The following KCND3 variants were observed in gnomAD, a reference collection of about 807,000 sequenced individuals.
The protein encoded by KCND3 is potassium voltage-gated channel subfamily D member 3, also known as A-type voltage-gated potassium channel KCND3.
A neutral mutation model predicts 51.1 loss-of-function variants in KCND3; 9 were observed. The ratio of observed to expected loss-of-function variants is 0.18; its 90% confidence interval spans 0.11 to 0.31. The LOEUF (loss-of-function observed/expected upper bound fraction) is 0.31. Among genes scored for constraint, KCND3 ranks in the 10% least tolerant of loss-of-function variants. The pLI is 1.00. For synonymous variants in KCND3, 349 were observed against 368.0 expected (o/e 0.95, Z 0.59); for missense variants, 526 against 903.8 (o/e 0.58, Z 5.36).
chr1:111,971,717 G>C (rs1674340061), intron 2 of KCND3, among the ~76,000 whole-genome samples: 1 of 152,150 alleles, frequency 6.6e-6, no homozygotes, highest in African/African-American at 2.4e-5. Context: ...CAGGTCCAAA[G>C]CTAAGCTCAC....
At chr1:111,828,412 T>G (rs996722349) in intron 2 of KCND3, among the ~76,000 whole-genome samples, 7 of 152,188 alleles carry the variant, frequency 4.6e-5, no homozygotes, top group Non-Finnish European at 4.4e-5. Flanking sequence ...AAAAAGAGTA[T>G]GTTTATACTA....
At chr1:111,901,337 T>C (rs1670373788) in intron 2 of KCND3, among the ~76,000 whole-genome samples, 1 of 152,222 alleles carries the variant, frequency 6.6e-6, no homozygotes, top group Admixed American at 6.5e-5. Flanking sequence ...ACAAAAGAAT[T>C]AAGTCAGGCT....
chr1:111,826,965 C>T (rs1666606492), intron 2 of KCND3, among the ~76,000 whole-genome samples: 1 of 152,144 alleles, frequency 6.6e-6, no homozygotes, highest in Non-Finnish European at 1.5e-5. Flanking sequence ...TTGGAATATT[C>T]ACATTAAACT....
intron 2 of KCND3, among the ~76,000 whole-genome samples, chr1:111,817,411 C>T (rs1030807297): frequency 6.6e-6 from 1 of 152,200 alleles, no homozygotes; most frequent in Admixed American, 6.5e-5. Context: ...CCAATAATTT[C>T]ACCTGAGTGT....
Position 111,780,596 on chromosome 1 carries a change from TG to T in KCND3, c.1371+93del. 8.8e-7 allele frequency: 1 copy of T among 1,133,510 alleles called. No individual in the cohort carries two copies. The highest frequency in any genetic ancestry group is 1.3e-6 in the Non-Finnish European group (1 of 766,730). The allele number at this position is 1,133,510 out of a possible 1,614,324, so 70.2% of individuals were successfully genotyped here. Reference sequence around the variant, plus strand: ...AACGTGTCCTCCTTGGGGTTCATACTGGGGCTCTGGTGAGAGTGCTGGTGTC... The same window carrying T: ...AACGTGTCCTCCTTGGGGTTCATACTGGGCTCTGGTGAGAGTGCTGGTGTC... On this transcript the variant is annotated intron_variant, in intron 4 of 7. Transcript: ENST00000302127. This position sits in a 1 kb window ranked among gnomAD's most constrained non-coding sequence, Gnocchi z 4.2.
At chr1:111,856,553 C>T (rs1668081739) in intron 2 of KCND3, among the ~76,000 whole-genome samples, 1 of 152,224 alleles carries the variant, frequency 6.6e-6, no homozygotes, top group Non-Finnish European at 1.5e-5. Context: ...CTCTCTCAGC[C>T]TCCCTCAGGC....
At chr1:111,867,744 T>C (rs1668641517) in intron 2 of KCND3, among the ~76,000 whole-genome samples, 1 of 152,190 alleles carries the variant, frequency 6.6e-6, no homozygotes, top group Non-Finnish European at 1.5e-5. Context: ...GGCAGGCACC[T>C]TGATAGAGGT....
chr1:111,816,175 G>T (rs1666081980), intron 2 of KCND3, among the ~76,000 whole-genome samples: 1 of 152,234 alleles, frequency 6.6e-6, no homozygotes, highest in Non-Finnish European at 1.5e-5. Flanking sequence ...GCCGGGTGTG[G>T]CCAGGAGGCA....
At chr1:111,917,044 C>A (rs1671248057) in intron 2 of KCND3, among the ~76,000 whole-genome samples, 1 of 152,050 alleles carries the variant, frequency 6.6e-6, no homozygotes, top group South Asian at 2.1e-4. Context: ...AAAAAGAACG[C>A]CCATATGATC....
intron 2 of KCND3, among the ~76,000 whole-genome samples, chr1:111,954,142 T>C (rs2101912869): frequency 6.6e-6 from 1 of 152,310 alleles, no homozygotes. Flanking sequence ...TTCTAGTAAC[T>C]TCTCCTTCCC....
intron 2 of KCND3, among the ~76,000 whole-genome samples, chr1:111,828,907 G>T (rs1666703181): frequency 6.6e-6 from 1 of 152,174 alleles, no homozygotes. Context: ...TGACCTAGAT[G>T]CTGGGTAGAC....
At chr1:111,877,783 C>T (rs566982276) in intron 2 of KCND3, among the ~76,000 whole-genome samples, 9 of 152,308 alleles carry the variant, frequency 5.9e-5, no homozygotes, top group South Asian at 2.1e-4. Flanking sequence ...TTCATCCCCT[C>T]TTGAAGTAAG....
intron 2 of KCND3, among the ~76,000 whole-genome samples, chr1:111,864,039 A>T (rs1180214340): frequency 6.6e-6 from 1 of 151,996 alleles, no homozygotes; most frequent in Non-Finnish European, 1.5e-5. Context: ...AAATGGGGGC[A>T]GCTTTGATAT....
chr1:111,987,417 C>A (rs907158957), intron 1 of KCND3, among the ~76,000 whole-genome samples: 8 of 152,244 alleles, frequency 5.3e-5, no homozygotes, highest in East Asian at 1.9e-4. Flanking sequence ...CAAGCAAGCA[C>A]CAGGCTGTCT....
chr1:111,927,012 G>A (rs1671732308), intron 2 of KCND3, among the ~76,000 whole-genome samples: 1 of 152,182 alleles, frequency 6.6e-6, no homozygotes, highest in South Asian at 2.1e-4. Flanking sequence ...CTTACTAGGG[G>A]CTGATTATGC....
chr1:111,912,666 T>C (rs575647339), intron 2 of KCND3, among the ~76,000 whole-genome samples: 39 of 152,274 alleles, frequency 2.6e-4, no homozygotes, highest in African/African-American at 8.4e-4. Context: ...AACAGTAATA[T>C]TGGTAATCCT....
intron 2 of KCND3, among the ~76,000 whole-genome samples, chr1:111,878,901 C>T (rs1669180060): frequency 1.3e-5 from 2 of 152,318 alleles, no homozygotes; most frequent in African/African-American, 4.8e-5. Context: ...ATTCAGCAGA[C>T]TGAGTAAAGC....
intron 2 of KCND3, among the ~76,000 whole-genome samples, chr1:111,955,869 A>G (rs1224075125): frequency 6.6e-6 from 1 of 152,186 alleles, no homozygotes; most frequent in African/African-American, 2.4e-5. Flanking sequence ...CGAGAAACAA[A>G]CAATCTGGCT....
At chr1:111,934,787 G>T (rs1215632520) in intron 2 of KCND3, among the ~76,000 whole-genome samples, 2 of 152,248 alleles carry the variant, frequency 1.3e-5, no homozygotes, top group East Asian at 1.9e-4. Context: ...CTAGCAGTTC[G>T]GTGAATTTGG....
Sources: gnomAD v4.1 joint callset for allele counts (sites outside exome capture counted in the v4.1 genomes callset) on GRCh38, gnomAD v4.1.1 for gene constraint, Gnocchi (gnomAD v3.1) non-coding constraint, MANE v1.5 for transcripts, NCBI Gene and HGNC (gene_info 2026-07-23, HGNC 2026-07-21) for gene names.